The following COL13A1 variants were observed in gnomAD, a reference collection of about 807,000 sequenced individuals.
COL13A1 encodes collagen alpha-1(XIII) chain.
Under a neutral mutation model 130.9 loss-of-function variants are expected in COL13A1, and 89 were observed. That is an observed-to-expected ratio of 0.68 (90% CI 0.57 to 0.81). The LOEUF (loss-of-function observed/expected upper bound fraction) is 0.81, where lower values mean the gene tolerates loss of function less well. COL13A1 is among the 30% of genes least tolerant of loss of function. The pLI, the probability that COL13A1 is intolerant of heterozygous loss-of-function variation, is 0.00. For missense variants in COL13A1, 879 were observed against 934.6 expected, an observed-to-expected ratio of 0.94 and a Z score of 0.78; for synonymous variants, 402 against 341.6, an observed-to-expected ratio of 1.18 and a Z score of -1.95.
At chr10:69,921,056 G>A (rs1443176286) in intron 21 of COL13A1, among the ~76,000 whole-genome samples, 2 of 152,186 alleles carry the variant, frequency 1.3e-5, no homozygotes, top group African/African-American at 2.4e-5. Context: ...ACTACAGGCT[G>A]GGTGGCTTGA....
intron 33 of COL13A1, among the ~76,000 whole-genome samples, chr10:69,937,239 G>T (rs1427332128): frequency 6.6e-6 from 1 of 152,178 alleles, no homozygotes; most frequent in Non-Finnish European, 1.5e-5. Context: ...TCATGCCCTG[G>T]TATTCAAGAG....
Position 69,927,040 on chromosome 10 carries a change from G to T in COL13A1, c.1399-47G>T, listed in dbSNP as rs1366276964. 5 of 1,613,248 alleles carry T rather than the reference G, an allele frequency of 3.1e-6. No homozygotes were observed. The Admixed American group carries it at 8.3e-5, about 27-fold the overall frequency. ...ACTGTGCAGTGAGAACCTTCCACTTGGCTCTTGGTTTGCTCTTCAACTGAT... is the reference window on the plus strand; with the variant it reads ...ACTGTGCAGTGAGAACCTTCCACTTTGCTCTTGGTTTGCTCTTCAACTGAT... On this transcript the variant is annotated intron_variant, in intron 26 of 40. Coordinates refer to ENST00000645393, the MANE Select transcript of COL13A1 (RefSeq NM_001368882.1).
chr10:69,889,553 A>C, intron 10 of COL13A1, 113 bp downstream of exon 10: 3 of 1,376,780 alleles, frequency 2.2e-6, no homozygotes, highest in East Asian at 2.5e-5. Context: ...ATGGCTGTCC[A>C]TGCTGGTCAC....
chr10:69,829,303 T>C (rs983992188), intron 2 of COL13A1: 2 of 977,346 alleles, frequency 2.0e-6, no homozygotes, highest in African/African-American at 3.5e-5. Context: ...TTAACATTGA[T>C]GTATAACTCC....
intron 12 of COL13A1, among the ~76,000 whole-genome samples, chr10:69,895,094 G>C (rs1288061558): frequency 1.3e-5 from 2 of 152,240 alleles, no homozygotes; most frequent in African/African-American, 4.8e-5. Context: ...ATTTCTGATA[G>C]AGACACTGCT....
chr10:69,876,065 G>GTC (rs2059542125), intron 5 of COL13A1, among the ~76,000 whole-genome samples: 2 of 152,240 alleles, frequency 1.3e-5, no homozygotes, highest in African/African-American at 4.8e-5. Flanking sequence ...CTCAGAGGTT[G>GTC]AGAAAAGGCA....
rs1352479202 is a variant in COL13A1, at chr10:69,936,746, C to A, written c.1771-10C>A. 1.2e-6 allele frequency: 2 copies of A among 1,613,742 alleles called. No homozygotes were observed. Among genetic ancestry groups the A allele is most frequent in the Non-Finnish European group, 1.7e-6 (2 of 1,179,822 alleles). On this transcript the variant is annotated splice_polypyrimidine_tract_variant and intron_variant, in intron 32 of 40. Transcript: ENST00000645393. ...CAGTTCTAATGCACCTTGCTTTATT[C>A]CAAATGCAGGGGCTCCAAGGTGTTC...
rs1445497826 is a variant in COL13A1, at chr10:69,927,069, C to T, written c.1399-18C>T. The T allele has an allele frequency of 6.2e-7, 1 of 1,613,816 alleles. No individual in the cohort carries two copies. The highest frequency in any genetic ancestry group is 2.2e-5 in the East Asian group (1 of 44,866). ...CTTGGTTTGCTCTTCAACTGATTGC[C>T]TGGTGTTGGTTTTTTAGGAGATCCG... is the stretch of plus-strand genomic sequence containing the variant. On this transcript the variant is annotated intron_variant, in intron 26 of 40. Transcript: ENST00000645393.
intron 38 of COL13A1, among the ~76,000 whole-genome samples, chr10:69,949,516 A>G (rs2069067768): frequency 6.6e-6 from 1 of 152,218 alleles, no homozygotes; most frequent in Non-Finnish European, 1.5e-5. Context: ...GAACCAAGAT[A>G]CAACCTTACA....
intron 10 of COL13A1, among the ~76,000 whole-genome samples, chr10:69,890,572 C>A (rs775123076): frequency 1.4e-4 from 21 of 152,246 alleles, no homozygotes; most frequent in Admixed American, 1.0e-3. Flanking sequence ...TGAAGACAAC[C>A]CTTGACCCAT....
chr10:69,940,444 A>C (rs16927097), intron 34 of COL13A1, among the ~76,000 whole-genome samples: 29,051 of 152,190 alleles, frequency 0.19, 3,286 homozygotes, highest in African/African-American at 0.32. Flanking sequence ...GATAAGCAGA[A>C]CAACTCCTAC....
chr10:69,903,705 A>G (rs1286866795), intron 15 of COL13A1, among the ~76,000 whole-genome samples: 1 of 152,226 alleles, frequency 6.6e-6, no homozygotes, highest in South Asian at 2.1e-4. Flanking sequence ...TTTCCTTCTT[A>G]TGACAAAAGC....
At chr10:69,855,226 G>A (rs2133661854) in intron 2 of COL13A1, among the ~76,000 whole-genome samples, 1 of 152,334 alleles carries the variant, frequency 6.6e-6, no homozygotes, top group East Asian at 1.9e-4. Flanking sequence ...GACATTCAGA[G>A]GGGTTGGTGG....
At chr10:69,945,822 C>T in intron 37 of COL13A1, 98 bp downstream of exon 37, 3 of 1,484,358 alleles carry the variant, frequency 2.0e-6, no homozygotes, top group Non-Finnish European at 1.8e-6. Context: ...CCTGTAATCC[C>T]AGCACTTTGG....
intron 1 of COL13A1, among the ~76,000 whole-genome samples, chr10:69,818,873 G>A (rs990060126): frequency 1.3e-5 from 2 of 152,174 alleles, no homozygotes; most frequent in Non-Finnish European, 2.9e-5. Flanking sequence ...AGTGCTAATC[G>A]ACATACCTAG....
rs1352845848 is a variant in COL13A1, at chr10:69,925,754, C to G, written c.1330-50C>G. The G allele has an allele frequency of 5.5e-6, 8 of 1,462,194 alleles. No homozygotes were observed. The Admixed American group carries it at 1.6e-4, about 28-fold the overall frequency. The allele number at this position is 1,462,194 out of a possible 1,614,324, so 90.6% of individuals were successfully genotyped here. A position where few individuals can be genotyped will look rare whatever the true frequency, so the allele number is the denominator to read the frequency against. On this transcript the variant is annotated intron_variant, in intron 25 of 40. Coordinates refer to ENST00000645393, the MANE Select transcript of COL13A1 (RefSeq NM_001368882.1). Reference sequence around the variant, plus strand: ...ATAGAGAGCAGGCCACAGTTGCCCTCCCGGCCCTCCCGGTCCAGGCCGTGG... The same window carrying G: ...ATAGAGAGCAGGCCACAGTTGCCCTGCCGGCCCTCCCGGTCCAGGCCGTGG...
intron 39 of COL13A1, among the ~76,000 whole-genome samples, chr10:69,954,235 A>G (rs768124314): frequency 3.3e-5 from 5 of 149,714 alleles, no homozygotes; most frequent in Admixed American, 6.6e-5. Flanking sequence ...CTTGCATGCA[A>G]AGTTTACTGG....
intron 2 of COL13A1, among the ~76,000 whole-genome samples, chr10:69,828,593 C>T (rs7101190): frequency 0.27 from 41,615 of 152,196 alleles, 6,114 homozygotes; most frequent in Non-Finnish European, 0.33. Context: ...CCCACTTGCA[C>T]ACAACTCATG....
chr10:69,834,039 G>T (rs1327761100), intron 2 of COL13A1, among the ~76,000 whole-genome samples: 2 of 152,204 alleles, frequency 1.3e-5, no homozygotes, highest in African/African-American at 4.8e-5. Context: ...GGAATGGGCA[G>T]CAATGATCTC....
Sources: gnomAD v4.1 joint callset for allele counts (sites outside exome capture counted in the v4.1 genomes callset) on GRCh38, gnomAD v4.1.1 for gene constraint, MANE v1.5 for transcripts, NCBI Gene and HGNC (gene_info 2026-07-23, HGNC 2026-07-21) for gene names.